Variants in FBXW11 observed in about 807,000 individuals in gnomAD.
FBXW11 encodes F-box/WD repeat-containing protein 11.
In FBXW11, 19 loss-of-function variants were observed where a neutral mutation model predicts 77.6. The ratio of observed to expected loss-of-function variants is 0.24; its 90% CI spans 0.17 to 0.36. The LOEUF is 0.36. Among genes scored for constraint, FBXW11 ranks in the 10% least tolerant of loss-of-function variants. The pLI is 1.00. For synonymous variants in FBXW11, 235 were observed against 249.4 expected (o/e 0.94, Z 0.54); for missense variants, 334 against 704.2 (o/e 0.47, Z 5.95).
intron 2 of FBXW11, among the ~76,000 whole-genome samples, chr5:171,944,574 C>CAAAAAAAAAAAAAAA (rs34106047): frequency 7.4e-5 from 6 of 80,548 alleles, no homozygotes; most frequent in East Asian, 3.3e-4. Flanking sequence ...GACTCCATCT[C>CAAAAAAAAAAAAAAA]AAAAAAAAAA....
intron 2 of FBXW11, among the ~76,000 whole-genome samples, chr5:171,928,444 T>C (rs971576588): frequency 6.6e-6 from 1 of 152,154 alleles, no homozygotes; most frequent in African/African-American, 2.4e-5. Flanking sequence ...GACAACATAA[T>C]CTTGAAACAC....
chr5:171,946,477 T>C (rs1055118862), intron 2 of FBXW11, among the ~76,000 whole-genome samples: 1 of 152,200 alleles, frequency 6.6e-6, no homozygotes, highest in Non-Finnish European at 1.5e-5. Context: ...AGAATTTCTA[T>C]GACCTTCCTC....
intron 2 of FBXW11, among the ~76,000 whole-genome samples, chr5:171,940,293 A>T (rs1460789972): frequency 1.3e-5 from 2 of 152,248 alleles, no homozygotes; most frequent in Non-Finnish European, 2.9e-5. Flanking sequence ...AGAATTGGAT[A>T]TATCAGTATG....
chr5:171,916,479 T>C (rs1324330110), intron 2 of FBXW11: 1 of 985,218 alleles, frequency 1.0e-6, no homozygotes, highest in African/African-American at 1.7e-5. Flanking sequence ...GAAGGCAGTG[T>C]GTCCAAGAGT....
chr5:171,876,892 G>A lies in FBXW11; in HGVS notation c.972-358C>T, dbSNP rs895841069. 1.3e-5 allele frequency among the ~76,000 whole-genome samples: 2 copies of A among 152,178 alleles called. No homozygotes were observed. Among genetic ancestry groups the A allele is most frequent in the East Asian group, 3.8e-4 (2 of 5,196 alleles). On this transcript the variant is annotated intron_variant, in intron 8 of 13. Coordinates refer to ENST00000517395, the MANE Select transcript of FBXW11 (RefSeq NM_001378974.1). This position sits in a 1 kb window ranked among gnomAD's most constrained non-coding sequence, Gnocchi z 4.2. ...TCCCCTTTGCCTTCTGCCATGAGTA[G>A]AAGTAGCTCGAAGCCCTCATCAGAA... is the stretch of plus-strand genomic sequence containing the variant.
chr5:171,963,980 T>G (rs529377313), intron 1 of FBXW11, among the ~76,000 whole-genome samples: 23 of 152,310 alleles, frequency 1.5e-4, no homozygotes, highest in African/African-American at 4.3e-4. Context: ...ATCCAAAATT[T>G]TAATATTCAA....
intron 6 of FBXW11, among the ~76,000 whole-genome samples, chr5:171,898,182 G>T (rs1759876284): frequency 6.6e-6 from 1 of 152,156 alleles, no homozygotes. Flanking sequence ...CTCCGTTAAT[G>T]AATTTTGGCA....
At chr5:171,919,096 A>G (rs1339437064) in intron 2 of FBXW11, among the ~76,000 whole-genome samples, 1 of 152,116 alleles carries the variant, frequency 6.6e-6, no homozygotes, top group East Asian at 1.9e-4. Flanking sequence ...GTATGTTGAT[A>G]TCTAAATTCA....
At chr5:172,001,102 T>TC (rs1267007275) in intron 1 of FBXW11, among the ~76,000 whole-genome samples, 1 of 152,140 alleles carries the variant, frequency 6.6e-6, no homozygotes, top group African/African-American at 2.4e-5. Flanking sequence ...CTCTTCCCCC[T>TC]CCCCATCTTT....
In FBXW11 at chr5:171,876,642, G is replaced by A; in HGVS notation, c.972-108C>T. 1 of 1,372,260 alleles carries A rather than the reference G, an allele frequency of 7.3e-7. No individual in the cohort carries two copies. The highest frequency in any genetic ancestry group is 1.0e-6 in the Non-Finnish European group (1 of 1,000,072). 85.0% of individuals were successfully genotyped at this position (1,372,260 alleles called of 1,614,324 possible). A position where few individuals can be genotyped will look rare whatever the true frequency, so the allele number is the denominator to read the frequency against. ...GCAATGGTTTGGATATAGTTTGTCT[G>A]ACTCTACCAAATCTCATGTTGAAAT... On this transcript the variant is annotated intron_variant, in intron 8 of 13. Coordinates refer to ENST00000517395, the MANE Select transcript of FBXW11 (RefSeq NM_001378974.1). This position sits in a 1 kb window ranked among gnomAD's most constrained non-coding sequence, Gnocchi z 4.2.
chr5:171,873,005 AAC>A lies in FBXW11; in HGVS notation c.1222-17_1222-16del. 6.3e-7 allele frequency: 1 copy of A among 1,599,348 alleles called. No individual in the cohort carries two copies. Among genetic ancestry groups the A allele is most frequent in the Non-Finnish European group, 8.6e-7 (1 of 1,167,748 alleles). On this transcript the variant is annotated splice_polypyrimidine_tract_variant and intron_variant, in intron 9 of 13. Coordinates refer to ENST00000517395, the MANE Select transcript of FBXW11 (RefSeq NM_001378974.1). The stretch of plus-strand genomic sequence containing the variant: ...GTGCTCCAGACCTGTATAACAAATT[AAC>A]AGTATTTTAAAGAATGAACACAGGA...
rs374315747 is a variant in FBXW11 at position 171,967,771 on chromosome 5, G to A, written c.46-10073C>T. On this transcript the variant is annotated intron_variant, in intron 1 of 13. Coordinates refer to ENST00000517395, the MANE Select transcript of FBXW11 (RefSeq NM_001378974.1). ...GGAGAATCGCTTGAACCCGGGAGGC[G>A]GAGGTTGCTGTGAGCCAAGATCACG... 2.3e-4 allele frequency among the ~76,000 whole-genome samples: 35 copies of A among 150,866 alleles called. No homozygotes were observed. The South Asian group carries it at 6.5e-3, about 28-fold the overall frequency.
intron 4 of FBXW11, among the ~76,000 whole-genome samples, chr5:171,901,714 C>T (rs1760125736): frequency 1.3e-5 from 2 of 152,200 alleles, no homozygotes; most frequent in South Asian, 4.1e-4. Context: ...CCCCCAAAAA[C>T]ATCTATTGAA....
At chr5:171,896,820 T>C (rs2113866842) in intron 6 of FBXW11, among the ~76,000 whole-genome samples, 1 of 152,316 alleles carries the variant, frequency 6.6e-6, no homozygotes, top group South Asian at 2.1e-4. Context: ...TTTGTAATTA[T>C]TATAGTCTGC....
intron 2 of FBXW11, among the ~76,000 whole-genome samples, chr5:171,933,001 T>A (rs1309137902): frequency 2.1e-5 from 3 of 142,830 alleles, no homozygotes; most frequent in Non-Finnish European, 4.5e-5. Context: ...CAAGGTAGAA[T>A]GCACCTGTTG....
intron 7 of FBXW11, among the ~76,000 whole-genome samples, chr5:171,887,398 A>T (rs1162659956): frequency 1.3e-5 from 2 of 152,084 alleles, no homozygotes; most frequent in Non-Finnish European, 2.9e-5. Flanking sequence ...AACAAAAAAT[A>T]AAAATTAAAA....
chr5:171,912,258 C>T (rs952258943), intron 3 of FBXW11, among the ~76,000 whole-genome samples: 3 of 152,166 alleles, frequency 2.0e-5, no homozygotes, highest in Admixed American at 6.5e-5. Context: ...TATCCTAGCG[C>T]CCCACTGTCG....
intron 13 of FBXW11, among the ~76,000 whole-genome samples, chr5:171,867,589 T>C (rs1271586273): frequency 1.3e-5 from 2 of 152,044 alleles, no homozygotes; most frequent in African/African-American, 4.8e-5. Context: ...GTTCTATTTA[T>C]TGGATCTTGG....
intron 2 of FBXW11, among the ~76,000 whole-genome samples, chr5:171,937,235 A>C (rs564010690): frequency 6.6e-5 from 10 of 152,364 alleles, no homozygotes; most frequent in Non-Finnish European, 1.0e-4. Flanking sequence ...GCAAACTTAC[A>C]TGAGTATTCA....
Sources: allele counts gnomAD v4.1 joint callset (sites outside exome capture counted in the v4.1 genomes callset), GRCh38; gene constraint gnomAD v4.1.1; non-coding constraint Gnocchi (gnomAD v3.1); transcripts MANE v1.5; gene names NCBI Gene and HGNC (gene_info 2026-07-23, HGNC 2026-07-21).